Variants in ARHGEF11 observed in about 807,000 individuals in gnomAD.
ARHGEF11 encodes the protein Rho guanine exchange factor (GEF) 11.
A neutral mutation model predicts 193.7 loss-of-function variants in ARHGEF11; 55 were observed. The ratio of observed to expected loss-of-function variants is 0.28; its 90% confidence interval spans 0.23 to 0.36. The LOEUF (loss-of-function observed/expected upper bound fraction) is 0.36, where lower values mean the gene tolerates loss of function less well. Ranked by LOEUF, ARHGEF11 falls within the 10% of genes least tolerant of loss-of-function variation. The pLI, the probability that ARHGEF11 is intolerant of heterozygous loss-of-function variation, is 1.00. For missense variants in ARHGEF11, 1,723 were observed against 2,005.6 expected, an observed-to-expected ratio of 0.86 and a Z score of 2.69; for synonymous variants, 693 against 768.0, an observed-to-expected ratio of 0.90 and a Z score of 1.62.
intron 1 of ARHGEF11, among the ~76,000 whole-genome samples, chr1:157,009,363 T>A (rs563800053): frequency 1.3e-5 from 2 of 152,366 alleles, no homozygotes; most frequent in Admixed American, 6.5e-5. Flanking sequence ...GAGGCATATA[T>A]TAAGGTGCAG....
intron 29 of ARHGEF11, 138 bp from the exon 30 acceptor site, chr1:156,945,335 G>A (rs1183542613): frequency 3.3e-6 from 3 of 903,138 alleles, no homozygotes; most frequent in Non-Finnish European, 5.0e-6. Context: ...AGCCACCCTT[G>A]CCTCACATGA....
chr1:156,964,412 A>T (rs1054745070), intron 11 of ARHGEF11, among the ~76,000 whole-genome samples: 1 of 152,136 alleles, frequency 6.6e-6, no homozygotes, highest in Non-Finnish European at 1.5e-5. Context: ...ACTCAATTTG[A>T]TATTTTTCAT....
intron 22 of ARHGEF11, among the ~76,000 whole-genome samples, chr1:156,949,296 A>C (rs1453925386): frequency 6.6e-6 from 1 of 152,110 alleles, no homozygotes; most frequent in East Asian, 1.9e-4. Flanking sequence ...CCTGCAGTGC[A>C]TCAGCCCAAG....
Position 156,948,745 on chromosome 1 carries a change from C to A in ARHGEF11, c.1926-247G>T. Reference sequence around the variant, plus strand: ...GATGGACAGTCATCTTCCTCTGGAGCTATTAGGAAGGGATCCTAACAGGAA... The same window carrying A: ...GATGGACAGTCATCTTCCTCTGGAGATATTAGGAAGGGATCCTAACAGGAA... On this transcript the variant is annotated intron_variant, in intron 22 of 40. Coordinates refer to ENST00000368194, the MANE Select transcript of ARHGEF11 (RefSeq NM_198236.3). This position sits in a 1 kb window ranked among gnomAD's most constrained non-coding sequence, Gnocchi z 4.2. The A allele has an allele frequency of 4.1e-6, 6 of 1,458,668 alleles. No individual in the cohort carries two copies. Among genetic ancestry groups the A allele is most frequent in the Non-Finnish European group, 5.4e-6 (6 of 1,102,746 alleles). 90.4% of individuals were successfully genotyped at this position (1,458,668 alleles called of 1,614,324 possible).
intron 40 of ARHGEF11, 135 bp from the exon 41 acceptor site, chr1:156,936,193 G>A (rs748328591): frequency 2.3e-5 from 22 of 961,492 alleles, no homozygotes; most frequent in South Asian, 3.9e-5. Flanking sequence ...CCAGTTTCTC[G>A]TAGGGCTTGA....
Position 156,941,973 on chromosome 1 carries a change from C to G in ARHGEF11, c.3343G>C (p.Glu1115Gln). Residue 1115 changes from glutamate (E) to glutamine (Q), a missense_variant, in exon 34 of 41, where the codon GAA becomes CAA. Around this residue, in one of 5 missense-constraint regions of ARHGEF11, gnomAD observed 203 missense variants for 237.3 expected, o/e 0.86. Transcript: ENST00000368194. ...SDKNTWMELLEEAVRNATRHP... is the reference protein window; with the variant it reads ...SDKNTWMELLQEAVRNATRHP... ...CTGGTGGCATTCCGCACGGCCTCTT[C>G]TAAGAGCTCCATCCATCTGTTGCTC... 1 of 1,614,112 alleles carries G rather than the reference C, an allele frequency of 6.2e-7. No individual in the cohort carries two copies. The highest frequency in any genetic ancestry group is 8.5e-7 in the Non-Finnish European group (1 of 1,180,018).
intron 1 of ARHGEF11, among the ~76,000 whole-genome samples, chr1:157,015,786 C>T (rs150320594): frequency 3.9e-5 from 6 of 152,298 alleles, no homozygotes; most frequent in African/African-American, 9.6e-5. Context: ...GGACTCTTGG[C>T]GACCTGGCCC....
chr1:157,006,247 T>C (rs1334646527), intron 1 of ARHGEF11, among the ~76,000 whole-genome samples: 4 of 152,154 alleles, frequency 2.6e-5, no homozygotes, highest in Non-Finnish European at 2.9e-5. Context: ...ACTAGGATTA[T>C]AGACATGAGC....
chr1:156,944,420 G>C lies in ARHGEF11; in HGVS notation c.3005C>G (p.Thr1002Arg). The C allele has an allele frequency of 6.2e-7, 1 of 1,613,120 alleles. No homozygotes were observed. The highest frequency in any genetic ancestry group is 8.5e-7 in the Non-Finnish European group (1 of 1,179,922). Residue 1002 changes from threonine (T) to arginine (R), a missense_variant, in exon 31 of 41, where the codon ACA (threonine) becomes AGA (arginine). Physicochemically the swap from Thr to Arg is moderately conservative, Grantham distance 71. This residue lies in a region of ARHGEF11 where 491 missense variants were observed against 654.5 expected (regional missense o/e 0.75). Transcript: ENST00000368194. ...TCCCTCATGGATCATTTTTCTGGTTGTAAGATCCAGGCTCTGTTAAGGAGA... is the reference window on the plus strand; with the variant it reads ...TCCCTCATGGATCATTTTTCTGGTTCTAAGATCCAGGCTCTGTTAAGGAGA... Reference protein sequence around the residue: ...LAAEFKSLDLTTRKMIHEGPL... With the variant: ...LAAEFKSLDLRTRKMIHEGPL...
intron 1 of ARHGEF11, among the ~76,000 whole-genome samples, chr1:157,004,678 C>A (rs1323902444): frequency 6.6e-6 from 1 of 152,160 alleles, no homozygotes; most frequent in African/African-American, 2.4e-5. Flanking sequence ...AGGAAAGAAG[C>A]CATCTCATGG....
At chr1:156,997,852 A>T (rs1178043546) in intron 1 of ARHGEF11, among the ~76,000 whole-genome samples, 5 of 148,012 alleles carry the variant, frequency 3.4e-5, no homozygotes, top group African/African-American at 1.2e-4. Flanking sequence ...CACCTGTATT[A>T]TTTTTTTTTT....
chr1:156,949,023 T>A (rs766654720), intron 22 of ARHGEF11: 7 of 985,396 alleles, frequency 7.1e-6, no homozygotes, highest in Non-Finnish European at 8.4e-6. Context: ...TCACAGCTCA[T>A]TTTAGGATTT....
chr1:157,037,826 T>A (rs1025517436), intron 1 of ARHGEF11, among the ~76,000 whole-genome samples: 1 of 150,854 alleles, frequency 6.6e-6, no homozygotes, highest in African/African-American at 2.4e-5. Flanking sequence ...AGGTCAGGAG[T>A]TCGAGACCAG....
intron 22 of ARHGEF11, 42 bp downstream of exon 22, chr1:156,951,531 C>T (rs951985747): frequency 2.5e-5 from 40 of 1,609,860 alleles, no homozygotes; most frequent in Non-Finnish European, 3.3e-5. Flanking sequence ...GCCCATGACC[C>T]ACTCTTCGAG....
chr1:156,992,116 C>T (rs1266159145), intron 1 of ARHGEF11, among the ~76,000 whole-genome samples: 2 of 152,302 alleles, frequency 1.3e-5, no homozygotes, highest in East Asian at 1.9e-4. Context: ...TCTTTCTCCC[C>T]ATTCCCCAAG....
At chr1:156,944,617 T>C (rs1046655169) in intron 30 of ARHGEF11, among the ~76,000 whole-genome samples, 184 bp from the exon 31 acceptor site, 2 of 152,214 alleles carry the variant, frequency 1.3e-5, no homozygotes, top group Admixed American at 1.3e-4. Flanking sequence ...TCATGTGCCA[T>C]GTGGCAGCAG....
intron 35 of ARHGEF11, 44 bp downstream of exon 35, chr1:156,941,328 A>C (rs775875397): frequency 1.2e-6 from 2 of 1,605,600 alleles, no homozygotes; most frequent in African/African-American, 2.7e-5. Context: ...TGCCTACAGA[A>C]AAAGGCCTGG....
intron 1 of ARHGEF11, among the ~76,000 whole-genome samples, chr1:157,031,544 A>G (rs1671310433): frequency 2.0e-5 from 3 of 152,232 alleles, no homozygotes; most frequent in Admixed American, 2.0e-4. Context: ...CCACATCTGC[A>G]TCTCAGACTC....
intron 6 of ARHGEF11, 140 bp from the exon 7 acceptor site, chr1:156,977,194 G>A (rs1012495814): frequency 9.6e-6 from 7 of 726,500 alleles, no homozygotes; most frequent in Non-Finnish European, 1.4e-5. Flanking sequence ...GTACCTTGCC[G>A]GAATGCAGTA....
Sources: allele counts gnomAD v4.1 joint callset (sites outside exome capture counted in the v4.1 genomes callset), GRCh38; gene constraint gnomAD v4.1.1; regional missense constraint gnomAD v4.1.1; non-coding constraint Gnocchi (gnomAD v3.1); transcripts MANE v1.5; gene names NCBI Gene and HGNC (gene_info 2026-07-23, HGNC 2026-07-21).